Variants in UNC5C observed in about 807,000 individuals in gnomAD.
UNC5C encodes the protein netrin receptor UNC5C.
A neutral mutation model predicts 99.8 loss-of-function variants in UNC5C; 47 were observed. That is an observed-to-expected ratio of 0.47 (90% CI 0.37 to 0.60). UNC5C has a LOEUF of 0.60. Among genes scored for constraint, UNC5C ranks in the 20% least tolerant of loss-of-function variants. The pLI, the probability that UNC5C is intolerant of heterozygous loss-of-function variation, is 0.00. For synonymous variants in UNC5C, 487 were observed against 452.2 expected (o/e 1.08, Z -0.98); for missense variants, 1,062 against 1,165.9 (o/e 0.91, Z 1.30).
intron 1 of UNC5C, among the ~76,000 whole-genome samples, chr4:95,359,293 G>C (rs1744309005): frequency 6.6e-6 from 1 of 152,018 alleles, no homozygotes; most frequent in Admixed American, 6.6e-5. Flanking sequence ...CTTCTACATT[G>C]TACAAATAAA....
Position 95,164,992 on chromosome 4 carries a change from C to A in UNC5C, c.*4242G>T, listed in dbSNP as rs1465495800. 1 of 152,238 alleles carries A rather than the reference C, an allele frequency of 6.6e-6. No homozygotes were observed. Among genetic ancestry groups the A allele is most frequent in the East Asian group, 1.9e-4 (1 of 5,202 alleles). The allele number at this position is 152,238 out of a possible 1,614,324, so 9.4% of individuals were successfully genotyped here. A position where few individuals can be genotyped will look rare whatever the true frequency, so the allele number is the denominator to read the frequency against. ...TGAATTCTGGGGAGATGGTGATCACCTTATTAACTCCCTTCTGCATACGTG... is the reference window on the plus strand; with the variant it reads ...TGAATTCTGGGGAGATGGTGATCACATTATTAACTCCCTTCTGCATACGTG... On this transcript the variant is annotated 3_prime_UTR_variant, in exon 16 of 16. Coordinates refer to ENST00000453304, the MANE Select transcript of UNC5C (RefSeq NM_003728.4).
At chr4:95,388,246 T>G (rs1745265064) in intron 1 of UNC5C, among the ~76,000 whole-genome samples, 1 of 152,156 alleles carries the variant, frequency 6.6e-6, no homozygotes, top group African/African-American at 2.4e-5. Flanking sequence ...CTTCACAATG[T>G]TTATCTTTGC....
chr4:95,442,804 G>C (rs966212024), intron 1 of UNC5C, among the ~76,000 whole-genome samples: 3 of 140,220 alleles, frequency 2.1e-5, no homozygotes, highest in Non-Finnish European at 1.5e-5. Context: ...CCATGCATGA[G>C]TGTGTGCGCC....
chr4:95,466,771 C>A (rs1747791789), intron 1 of UNC5C, among the ~76,000 whole-genome samples: 1 of 151,960 alleles, frequency 6.6e-6, no homozygotes, highest in South Asian at 2.1e-4. Context: ...ATTGAAGTGA[C>A]CAGAGATATT....
At chr4:95,190,909 A>G (rs1737060523) in intron 12 of UNC5C, among the ~76,000 whole-genome samples, 1 of 151,920 alleles carries the variant, frequency 6.6e-6, no homozygotes, top group South Asian at 2.1e-4. Context: ...AAGGCAGGAC[A>G]AGAGATTCCA....
In UNC5C at chr4:95,177,453, C is replaced by T. The variant is rs368108214; in HGVS notation, c.2451+5444G>A. 1.5e-3 allele frequency among the ~76,000 whole-genome samples: 226 copies of T among 152,266 alleles called. 1 individual carries two copies. The highest frequency in any genetic ancestry group is 2.9e-3 in the Admixed American group (45 of 15,304). On this transcript the variant is annotated intron_variant, in intron 14 of 15. Transcript: ENST00000453304. ...GCACCGCTTCAGTGGCCTCCCCAGCCGTGAATGCACTGGCACTGCAGGCGG... is the reference window on the plus strand; with the variant it reads ...GCACCGCTTCAGTGGCCTCCCCAGCTGTGAATGCACTGGCACTGCAGGCGG...
At chr4:95,514,884 G>T (rs1578203763) in intron 1 of UNC5C, among the ~76,000 whole-genome samples, 1 of 151,732 alleles carries the variant, frequency 6.6e-6, no homozygotes, top group East Asian at 1.9e-4. Flanking sequence ...ATGTTGGCCA[G>T]ACTGGTCTTG....
chr4:95,505,641 G>T, intron 1 of UNC5C, among the ~76,000 whole-genome samples: 1 of 152,060 alleles, frequency 6.6e-6, no homozygotes, highest in East Asian at 1.9e-4. Context: ...TTTAGATTAT[G>T]AAGCACATTG....
chr4:95,297,704 G>A (rs927136923), intron 3 of UNC5C, among the ~76,000 whole-genome samples: 2 of 152,170 alleles, frequency 1.3e-5, no homozygotes, highest in African/African-American at 2.4e-5. Flanking sequence ...CCTTGATAAG[G>A]CTTAGCCCTT....
At chr4:95,208,628 G>T (rs1011706895) in intron 10 of UNC5C, among the ~76,000 whole-genome samples, 7 of 152,090 alleles carry the variant, frequency 4.6e-5, no homozygotes, top group African/African-American at 1.7e-4. Context: ...ACAAGAACAG[G>T]GCAAGGGCAG....
intron 13 of UNC5C, among the ~76,000 whole-genome samples, chr4:95,184,337 G>T (rs903874613): frequency 5.3e-5 from 8 of 152,180 alleles, no homozygotes; most frequent in African/African-American, 1.9e-4. Context: ...ATAGCTACCA[G>T]TTCAGAGGCA....
At chr4:95,375,666 G>A (rs765508696) in intron 1 of UNC5C, among the ~76,000 whole-genome samples, 6 of 152,062 alleles carry the variant, frequency 3.9e-5, no homozygotes, top group Non-Finnish European at 5.9e-5. Context: ...AAGGCGAAAC[G>A]CAATATTCTT....
chr4:95,486,036 T>A (rs1721318940), intron 1 of UNC5C, among the ~76,000 whole-genome samples: 1 of 151,786 alleles, frequency 6.6e-6, no homozygotes, highest in African/African-American at 2.4e-5. Flanking sequence ...AATATTAGGT[T>A]ACTTAAGAGG....
chr4:95,169,618 T>G (rs1050430578), intron 15 of UNC5C, among the ~76,000 whole-genome samples: 8 of 152,138 alleles, frequency 5.3e-5, no homozygotes, highest in African/African-American at 1.9e-4. Context: ...GTGAGATAAT[T>G]TAAGAGACAA....
chr4:95,484,548 G>T (rs902845566), intron 1 of UNC5C, among the ~76,000 whole-genome samples: 2 of 151,744 alleles, frequency 1.3e-5, no homozygotes, highest in Non-Finnish European at 2.9e-5. Flanking sequence ...AGATTCTCCG[G>T]TCTCTTTCTT....
At chr4:95,509,950 TTC>T (rs1257768488) in intron 1 of UNC5C, among the ~76,000 whole-genome samples, 8 of 151,938 alleles carry the variant, frequency 5.3e-5, no homozygotes, top group Non-Finnish European at 4.4e-5. Flanking sequence ...GTTAGATAGA[TTC>T]TGTTTTCCAT....
intron 1 of UNC5C, among the ~76,000 whole-genome samples, chr4:95,463,035 G>A (rs559543763): frequency 2.4e-4 from 36 of 152,114 alleles, no homozygotes; most frequent in Non-Finnish European, 4.7e-4. Context: ...GTTTCTGGTG[G>A]GGAAGGTAGT....
intron 7 of UNC5C, among the ~76,000 whole-genome samples, chr4:95,229,295 G>C (rs901813690): frequency 6.6e-6 from 1 of 151,722 alleles, no homozygotes; most frequent in Non-Finnish European, 1.5e-5. Flanking sequence ...ACCCCGACAG[G>C]CCCCGATGTT....
intron 1 of UNC5C, among the ~76,000 whole-genome samples, chr4:95,415,448 A>G (rs1746134149): frequency 6.6e-6 from 1 of 152,100 alleles, no homozygotes. Context: ...TTCATAGCAA[A>G]CTCTTGGAGT....
Sources: gnomAD v4.1 joint callset for allele counts (sites outside exome capture counted in the v4.1 genomes callset) on GRCh38, gnomAD v4.1.1 for gene constraint, MANE v1.5 for transcripts, NCBI Gene and HGNC (gene_info 2026-07-23, HGNC 2026-07-21) for gene names.